FBXL17: variants seen among roughly 807,000 people sequenced by gnomAD.
The protein encoded by FBXL17 is F-box/LRR-repeat protein 17.
In FBXL17, 22 loss-of-function variants were observed where a neutral mutation model predicts 66.2. That is an observed-to-expected ratio of 0.33 (90% confidence interval 0.24 to 0.47). The LOEUF (loss-of-function observed/expected upper bound fraction) is 0.47. Among genes scored for constraint, FBXL17 ranks in the 20% least tolerant of loss-of-function variants. FBXL17 has a pLI of 1.00. For missense variants in FBXL17, 878 were observed against 948.2 expected (o/e 0.93, Z 0.97); for synonymous variants, 474 against 400.5 (o/e 1.18, Z -2.19).
At chr5:108,273,099 G>A (rs1398210384) in intron 4 of FBXL17, among the ~76,000 whole-genome samples, 7 of 152,106 alleles carry the variant, frequency 4.6e-5, no homozygotes, top group Admixed American at 1.3e-4. Context: ...CAAAAGGGGA[G>A]GGAGTGCGCA....
At chr5:108,367,327 A>T (rs1160658297) in intron 2 of FBXL17, among the ~76,000 whole-genome samples, 1 of 152,042 alleles carries the variant, frequency 6.6e-6, no homozygotes. Context: ...CCACCAAAAG[A>T]AAAGTTAAAG....
chr5:108,329,237 C>T (rs1760003862), intron 4 of FBXL17, among the ~76,000 whole-genome samples: 1 of 151,970 alleles, frequency 6.6e-6, no homozygotes, highest in African/African-American at 2.4e-5. Flanking sequence ...AAGCATTTTC[C>T]AAAAAGTTAT....
chr5:107,984,078 C>T (rs1009652580), intron 7 of FBXL17, among the ~76,000 whole-genome samples: 5 of 152,002 alleles, frequency 3.3e-5, no homozygotes, highest in Non-Finnish European at 5.9e-5. Flanking sequence ...ATTTCTATCA[C>T]AGGCAGACTA....
At chr5:108,122,157 C>T (rs1750529508) in intron 6 of FBXL17, among the ~76,000 whole-genome samples, 1 of 151,922 alleles carries the variant, frequency 6.6e-6, no homozygotes, top group Admixed American at 6.6e-5. Flanking sequence ...TATTAAAATA[C>T]ATAGTTTTTA....
chr5:108,369,198 C>T (rs942963230), intron 1 of FBXL17, among the ~76,000 whole-genome samples: 13 of 152,198 alleles, frequency 8.5e-5, no homozygotes, highest in East Asian at 1.9e-4. Context: ...TATTCCTCTA[C>T]ACTCCCTCAG....
chr5:108,076,641 G>A (rs1187489788), intron 6 of FBXL17, among the ~76,000 whole-genome samples: 1 of 152,114 alleles, frequency 6.6e-6, no homozygotes, highest in Admixed American at 6.5e-5. Context: ...GGCAGAAGTG[G>A]CCTTGCAAAG....
intron 4 of FBXL17, among the ~76,000 whole-genome samples, chr5:108,334,860 G>T (rs1245041058): frequency 2.0e-5 from 3 of 152,152 alleles, no homozygotes; most frequent in African/African-American, 7.2e-5. Context: ...AATAGTAAAT[G>T]AAACCACCGA....
At chr5:108,341,824 C>T (rs150455956) in intron 4 of FBXL17, among the ~76,000 whole-genome samples, 1,842 of 152,192 alleles carry the variant, frequency 0.012, 23 homozygotes, top group Non-Finnish European at 0.018. Flanking sequence ...TCTTTGTTAA[C>T]GCTCTTTTCC....
At chr5:108,086,003 T>A (rs1178018248) in intron 6 of FBXL17, among the ~76,000 whole-genome samples, 1 of 152,110 alleles carries the variant, frequency 6.6e-6, no homozygotes, top group Non-Finnish European at 1.5e-5. Context: ...CCTTCTCATA[T>A]CCCCTGCCCC....
At chr5:108,262,057 T>A (rs1399310876) in intron 4 of FBXL17, among the ~76,000 whole-genome samples, 1 of 134,486 alleles carries the variant, frequency 7.4e-6, no homozygotes, top group Non-Finnish European at 1.6e-5. Context: ...ATACATATTT[T>A]ATTTATTTAT....
At chr5:108,020,833 A>C in intron 7 of FBXL17, 92 bp downstream of exon 7, 1 of 900,358 alleles carries the variant, frequency 1.1e-6, no homozygotes, top group East Asian at 2.4e-5. Context: ...GACAGTCTCT[A>C]TGATATAGTT....
chr5:108,184,288 G>A (rs889671172), intron 6 of FBXL17, among the ~76,000 whole-genome samples: 2 of 152,012 alleles, frequency 1.3e-5, no homozygotes, highest in Non-Finnish European at 2.9e-5. Flanking sequence ...GTCGGATGTG[G>A]TGGTACACAC....
In FBXL17 at chr5:108,001,558, C is replaced by T. The variant is rs1047290420; in HGVS notation, c.1822+19367G>A. Among the ~76,000 whole-genome samples the T allele has an allele frequency of 3.3e-5, 5 of 151,854 alleles. No homozygotes were observed. In the South Asian group the frequency reaches 8.3e-4, roughly 25 times the overall value. ...CTCCATCGCCCAGGCTGGAGTGCAGCGGTGCTATCTCGGCTCACTACAAGC... is the reference window on the plus strand; with the variant it reads ...CTCCATCGCCCAGGCTGGAGTGCAGTGGTGCTATCTCGGCTCACTACAAGC... On this transcript the variant is annotated intron_variant, in intron 7 of 8. Transcript: ENST00000542267.
At chr5:107,957,768 A>T (rs1296811258) in intron 7 of FBXL17, among the ~76,000 whole-genome samples, 1 of 152,178 alleles carries the variant, frequency 6.6e-6, no homozygotes, top group East Asian at 1.9e-4. Context: ...CTAGGCCATA[A>T]TTTGTACATA....
At chr5:108,160,260 C>G (rs1055140850) in intron 6 of FBXL17, among the ~76,000 whole-genome samples, 1 of 152,112 alleles carries the variant, frequency 6.6e-6, no homozygotes, top group East Asian at 1.9e-4. Context: ...TACTATAATA[C>G]CACGATTAGA....
intron 7 of FBXL17, among the ~76,000 whole-genome samples, chr5:107,933,429 T>G (rs1750798543): frequency 6.6e-6 from 1 of 152,178 alleles, no homozygotes; most frequent in South Asian, 2.1e-4. Flanking sequence ...AAACAATAAA[T>G]AGTCACTTAC....
At chr5:108,170,468 G>A (rs996230757) in intron 6 of FBXL17, among the ~76,000 whole-genome samples, 1 of 152,124 alleles carries the variant, frequency 6.6e-6, no homozygotes, top group Non-Finnish European at 1.5e-5. Context: ...TCTATATGTG[G>A]AGTTTTTGGT....
chr5:107,959,742 T>C (rs1250055215), intron 7 of FBXL17, among the ~76,000 whole-genome samples: 1 of 152,172 alleles, frequency 6.6e-6, no homozygotes, highest in African/African-American at 2.4e-5. Flanking sequence ...AACCTGGCCT[T>C]GATTGACACA....
intron 8 of FBXL17, among the ~76,000 whole-genome samples, chr5:107,872,454 A>G (rs1217277138): frequency 1.3e-5 from 2 of 152,262 alleles, no homozygotes; most frequent in African/African-American, 2.4e-5. Flanking sequence ...TTTTAGCTGT[A>G]TAATACTTTC....
Sources: gnomAD v4.1 joint callset for allele counts (sites outside exome capture counted in the v4.1 genomes callset) on GRCh38, gnomAD v4.1.1 for gene constraint, MANE v1.5 for transcripts, NCBI Gene and HGNC (gene_info 2026-07-23, HGNC 2026-07-21) for gene names.